ZNF354B: variants seen among roughly 807,000 people sequenced by gnomAD.
ZNF354B encodes the protein zinc finger protein 354B.
In ZNF354B, 10 loss-of-function variants were observed where a neutral mutation model predicts 12.9. The ratio of observed to expected loss-of-function variants is 0.77; its 90% CI spans 0.48 to 1.31. The LOEUF is 1.31. ZNF354B is among the 40% of genes most tolerant of loss of function. The probability of loss-of-function intolerance (pLI) is 0.00; values close to 1 mark genes in which losing one functional copy is unlikely to be tolerated. For synonymous variants in ZNF354B, 260 were observed against 243.7 expected (o/e 1.07, Z -0.62); for missense variants, 614 against 711.7 (o/e 0.86, Z 1.56).
chr5:178,878,300 G>A (rs563406162), intron 4 of ZNF354B, among the ~76,000 whole-genome samples: 1 of 151,838 alleles, frequency 6.6e-6, no homozygotes, highest in African/African-American at 2.4e-5. Context: ...GGAGAATGGC[G>A]TGAACCCGGG....
At chr5:178,882,164 C>A (rs190292593) in intron 4 of ZNF354B, among the ~76,000 whole-genome samples, 90 of 152,236 alleles carry the variant, frequency 5.9e-4, no homozygotes, top group African/African-American at 2.1e-3. Context: ...CTGAATTTTG[C>A]TGAACATTTT....
At chr5:178,873,816 G>A (rs1757596495) in intron 4 of ZNF354B, among the ~76,000 whole-genome samples, 1 of 152,160 alleles carries the variant, frequency 6.6e-6, no homozygotes, top group Admixed American at 6.5e-5. Context: ...AGGAATTGCA[G>A]TAAACCTGTA....
At chr5:178,873,624 C>G (rs561532238) in intron 4 of ZNF354B, among the ~76,000 whole-genome samples, 1 of 152,206 alleles carries the variant, frequency 6.6e-6, no homozygotes, top group South Asian at 2.1e-4. Context: ...TTCCATTGTT[C>G]TGTGTTTCTG....
At chr5:178,871,184 A>G (rs1289646848) in intron 4 of ZNF354B, among the ~76,000 whole-genome samples, 1 of 151,972 alleles carries the variant, frequency 6.6e-6, no homozygotes, top group Non-Finnish European at 1.5e-5. Flanking sequence ...GCCTTCAGAG[A>G]CCTACATGGT....
At chr5:178,876,797 T>G (rs1445550687) in intron 4 of ZNF354B, among the ~76,000 whole-genome samples, 1 of 152,208 alleles carries the variant, frequency 6.6e-6, no homozygotes, top group African/African-American at 2.4e-5. Context: ...GTCATTCATA[T>G]TTCCCTCTAG....
chr5:178,882,848 G>C lies in ZNF354B; in HGVS notation c.396G>C (p.Lys132Asn). 3 of 1,607,472 alleles carry C rather than the reference G, an allele frequency of 1.9e-6. No individual in the cohort carries two copies. In the East Asian group the frequency reaches 6.7e-5, roughly 36 times the overall value. ...CCTGCATATATGAAGAGAAATTAAA[G>C]AAACAGCAGGACAAAAATGAAAATT... ...ERSCIYEEKL[K>N]KQQDKNENLQ... Residue 132 changes from lysine (K) to asparagine (N), a missense_variant, in exon 5 of 5, where the codon AAG becomes AAC. Coordinates refer to ENST00000322434, the MANE Select transcript of ZNF354B (RefSeq NM_058230.3).
intron 4 of ZNF354B, among the ~76,000 whole-genome samples, chr5:178,880,243 AGGCTT>A (rs1757698827): frequency 6.7e-6 from 1 of 148,190 alleles, no homozygotes; most frequent in Non-Finnish European, 1.5e-5. Context: ...CTCTGTTGCC[AGGCTT>A]GAGTGCAGTG....
At chr5:178,862,362 CTTTTTTT>C (rs769224561) in intron 2 of ZNF354B, among the ~76,000 whole-genome samples, 1 of 105,618 alleles carries the variant, frequency 9.5e-6, no homozygotes, top group Admixed American at 1.1e-4. Flanking sequence ...GTGGCATTAT[CTTTTTTT>C]TTTTTTTTTT....
At chr5:178,878,609 A>C (rs1757675082) in intron 4 of ZNF354B, among the ~76,000 whole-genome samples, 1 of 152,194 alleles carries the variant, frequency 6.6e-6, no homozygotes, top group Admixed American at 6.5e-5. Context: ...TTTTAAAATA[A>C]ACTTCCACTC....
In ZNF354B at chr5:178,866,254, C is replaced by T. The variant is rs1757451689; in HGVS notation, c.44C>T (p.Thr15Ile). The T allele has an allele frequency of 1.2e-6, 2 of 1,614,026 alleles. No individual in the cohort carries two copies. The highest frequency in any genetic ancestry group is 1.3e-5 in the African/African-American group (1 of 75,052). ...QREARPQVSL[T>I]FEDVAVLFTW... Reference sequence around the variant, plus strand: ...GACTTGTCCTTACAGGTGTCACTGACATTCGAGGACGTGGCTGTGCTCTTT... The same window carrying T: ...GACTTGTCCTTACAGGTGTCACTGATATTCGAGGACGTGGCTGTGCTCTTT... The change falls in exon 3 of 5, where the codon ACA (threonine) becomes ATA (isoleucine). Residue 15 changes from threonine (T) to isoleucine (I), a missense_variant. Coordinates refer to ENST00000322434, the MANE Select transcript of ZNF354B (RefSeq NM_058230.3).
intron 2 of ZNF354B, 135 bp downstream of exon 2, chr5:178,861,215 G>A (rs1009361827): frequency 8.6e-7 from 1 of 1,160,490 alleles, no homozygotes; most frequent in Non-Finnish European, 1.3e-6. Flanking sequence ...CCTCATGACT[G>A]GTGGATTCTG....
Position 178,883,095 on chromosome 5 carries a change from A to T in ZNF354B, c.643A>T (p.Lys215Ter). 1.2e-6 allele frequency: 2 copies of T among 1,609,654 alleles called. No individual in the cohort carries two copies. The highest frequency in any genetic ancestry group is 1.7e-6 in the Non-Finnish European group (2 of 1,179,008). Residue 215 changes from lysine to a stop codon, truncating the protein, a stop_gained, in exon 5 of 5, where the codon AAA becomes TAA. Transcript: ENST00000322434. LOFTEE classifies it low-confidence loss of function (END_TRUNC). ...AATCAAAACAGCAGAGAAACGCTAT[A>T]AATGCAGTACATGTGAAAAAGCCTT... ...SKIKTAEKRY[K>*]CSTCEKAFIH...
rs1329944732 is a variant in ZNF354B at position 178,884,161 on chromosome 5, G to A, written c.1709G>A (p.Arg570Lys). ...AGCTCATCACTTATTGCACATCAAA[G>A]AATTCATACTGGAGAGAAACCCTAT... ...RQSSSLIAHQRIHTGEKPYEC... is the reference protein window; with the variant it reads ...RQSSSLIAHQKIHTGEKPYEC... Residue 570 changes from arginine to lysine, a missense_variant, in exon 5 of 5, where the codon AGA becomes AAA. Coordinates refer to ENST00000322434, the MANE Select transcript of ZNF354B (RefSeq NM_058230.3). 6.2e-7 allele frequency: 1 copy of A among 1,613,970 alleles called. No individual in the cohort carries two copies. The highest frequency in any genetic ancestry group is 1.1e-5 in the South Asian group (1 of 91,070).
At chr5:178,873,578 T>A (rs765803715) in intron 4 of ZNF354B, among the ~76,000 whole-genome samples, 1 of 146,918 alleles carries the variant, frequency 6.8e-6, no homozygotes, top group Non-Finnish European at 1.5e-5. Flanking sequence ...AAAAGTCACT[T>A]GGGCGTGTTG....
At chr5:178,862,401 C>G (rs1757371691) in intron 2 of ZNF354B, among the ~76,000 whole-genome samples, 1 of 130,802 alleles carries the variant, frequency 7.6e-6, no homozygotes, top group Non-Finnish European at 1.6e-5. Context: ...CAGTCTTGCT[C>G]TGTCACCCAG....
At chr5:178,866,194 C>G in intron 2 of ZNF354B, 50 bp from the exon 3 acceptor site, 1 of 1,605,868 alleles carries the variant, frequency 6.2e-7, no homozygotes, top group Non-Finnish European at 8.5e-7. Context: ...GCCGCCCCCT[C>G]CACTCTGTGA....
At chr5:178,864,622 A>G (rs62393050) in intron 2 of ZNF354B, among the ~76,000 whole-genome samples, 2 of 151,882 alleles carry the variant, frequency 1.3e-5, no homozygotes, top group Non-Finnish European at 1.5e-5. Flanking sequence ...ATGTATGTAG[A>G]AATTTTTTTT....
Position 178,867,037 on chromosome 5 carries a change from G to A in ZNF354B, c.222G>A (p.Glu74=). ...TGCAGCAAGGAGAAGATCCCTGGGA[G>A]GTGGAGAAAGACAGTTCTGGTGTCT... The part of the protein sequence containing the change: ...SLLQQGEDPW[E]VEKDSSGVSS... Residue 74 remains glutamate, a synonymous_variant, in exon 4 of 5, where the codon GAG becomes GAA. Transcript: ENST00000322434. 1.9e-6 allele frequency: 3 copies of A among 1,613,768 alleles called. No homozygotes were observed. The highest frequency in any genetic ancestry group is 2.5e-6 in the Non-Finnish European group (3 of 1,179,964).
chr5:178,869,535 A>G (rs11949180), intron 4 of ZNF354B, among the ~76,000 whole-genome samples: 22,569 of 137,346 alleles, frequency 0.16, 2,054 homozygotes, highest in African/African-American at 0.29. Flanking sequence ...AAGAGCAGGA[A>G]GAAAGAAAGA....
Sources: allele counts gnomAD v4.1 joint callset (sites outside exome capture counted in the v4.1 genomes callset), GRCh38; gene constraint gnomAD v4.1.1; transcripts MANE v1.5; gene names NCBI Gene and HGNC (gene_info 2026-07-23, HGNC 2026-07-21).